The following CFAP77 variants were observed in gnomAD, a reference collection of about 807,000 sequenced individuals.
The protein encoded by CFAP77 is cilia and flagella associated protein 77.
Under a neutral mutation model 31.1 loss-of-function variants are expected in CFAP77, and 25 were observed. The ratio of observed to expected loss-of-function variants is 0.80; its 90% CI spans 0.59 to 1.12. CFAP77 has a LOEUF of 1.12. Among genes scored for constraint, CFAP77 ranks in the 50% most tolerant of loss-of-function variants. The pLI is 0.00. For synonymous variants in CFAP77, 151 were observed against 159.9 expected (o/e 0.94, Z 0.42); for missense variants, 377 against 397.3 (o/e 0.95, Z 0.44).
At position 132,552,968 on chromosome 9, in the gene CFAP77, ACTT is replaced by A. The variant is rs1346330704; in HGVS notation, c.732+9924_732+9926del. 6.6e-6 allele frequency among the ~76,000 whole-genome samples: 1 copy of A among 152,144 alleles called. No homozygotes were observed. ...TGTTAAACAGCCCTAAGGCTTATGA[ACTT>A]CTGTCTTAGTCAGGCTGCTCTAACA... On this transcript the variant is annotated intron_variant, in intron 5 of 5. Transcript: ENST00000393216. The surrounding 1 kb of genome is among the most constrained non-coding windows in gnomAD (Gnocchi z 5.5).
chr9:132,537,772 G>A, intron 4 of CFAP77, 66 bp downstream of exon 4: 2 of 1,243,488 alleles, frequency 1.6e-6, no homozygotes, highest in Admixed American at 1.8e-5. Context: ...GGCTGGCCAG[G>A]GCCAAGCATC....
At chr9:132,449,148 T>C (rs1850777545) in intron 1 of CFAP77, among the ~76,000 whole-genome samples, 1 of 152,214 alleles carries the variant, frequency 6.6e-6, no homozygotes, top group Non-Finnish European at 1.5e-5. Flanking sequence ...GCCATAAAGT[T>C]GATCCATTTT....
chr9:132,465,464 G>A (rs1362193103), intron 1 of CFAP77, among the ~76,000 whole-genome samples: 2 of 152,166 alleles, frequency 1.3e-5, no homozygotes, highest in East Asian at 1.9e-4. Context: ...GTTAGACCTA[G>A]ATGTGGGCCT....
intron 1 of CFAP77, among the ~76,000 whole-genome samples, chr9:132,472,786 CA>C (rs1168912022): frequency 1.3e-5 from 2 of 152,042 alleles, no homozygotes; most frequent in African/African-American, 4.8e-5. Flanking sequence ...AACAAACAAA[CA>C]AAAAACAATG....
chr9:132,474,089 A>C (rs1851307470), intron 1 of CFAP77, among the ~76,000 whole-genome samples: 1 of 152,190 alleles, frequency 6.6e-6, no homozygotes, highest in Admixed American at 6.5e-5. Context: ...GGTGCCCTGC[A>C]TGTGTCAAAA....
At chr9:132,555,547 G>C (rs1299411369) in intron 5 of CFAP77, among the ~76,000 whole-genome samples, 3 of 152,194 alleles carry the variant, frequency 2.0e-5, no homozygotes, top group African/African-American at 7.2e-5. Flanking sequence ...TGTGCTACCT[G>C]AGAAAGCACT....
At chr9:132,491,801 G>A (rs954758684) in intron 1 of CFAP77, among the ~76,000 whole-genome samples, 1 of 152,318 alleles carries the variant, frequency 6.6e-6, no homozygotes, top group African/African-American at 2.4e-5. Flanking sequence ...GTTTGGTGAT[G>A]TTTTTGTGAC....
At chr9:132,473,651 T>G (rs1851299793) in intron 1 of CFAP77, among the ~76,000 whole-genome samples, 1 of 152,142 alleles carries the variant, frequency 6.6e-6, no homozygotes, top group African/African-American at 2.4e-5. Context: ...GAAGGGCAGC[T>G]CCTAGTCTCA....
intron 5 of CFAP77, among the ~76,000 whole-genome samples, chr9:132,553,390 C>G (rs1852851430): frequency 6.6e-6 from 1 of 152,074 alleles, no homozygotes; most frequent in South Asian, 2.1e-4. Flanking sequence ...TCATTTGAGG[C>G]CAGGAGTTCA....
chr9:132,434,114 G>A (rs1850463813), intron 1 of CFAP77, among the ~76,000 whole-genome samples: 1 of 151,850 alleles, frequency 6.6e-6, no homozygotes, highest in Non-Finnish European at 1.5e-5. Context: ...ACTCCAGCCT[G>A]GGTGATGGAG....
rs563064157 is a variant in CFAP77, at chr9:132,450,032, C to T, written c.195+39566C>T. On this transcript the variant is annotated intron_variant, in intron 1 of 5. Transcript: ENST00000393216. ...GGTTCACGCCATGCTCCTGCCTCAG[C>T]CTCCTGAGTAGCTGGGACTACTGGT... 9.2e-5 allele frequency among the ~76,000 whole-genome samples: 14 copies of T among 152,290 alleles called. No homozygotes were observed. In the East Asian group the frequency reaches 1.4e-3, roughly 15 times the overall value.
intron 1 of CFAP77, among the ~76,000 whole-genome samples, chr9:132,441,190 T>C (rs1166632161): frequency 6.6e-6 from 1 of 152,180 alleles, no homozygotes; most frequent in Admixed American, 6.5e-5. Flanking sequence ...TTGCATACTG[T>C]TTCTTTGGGA....
rs1008372555 is a variant in CFAP77, at chr9:132,513,019, TA to T, written c.524+13427del. On this transcript the variant is annotated intron_variant, in intron 3 of 5. Transcript: ENST00000393216. ...GAGCAGGTATTTTATTTTTTTAATT[TA>T]AAAAAAATTTTAATTTTTGTGGGCA... 1.6e-4 allele frequency among the ~76,000 whole-genome samples: 25 copies of T among 152,284 alleles called. No homozygotes were observed. In the South Asian group the frequency reaches 1.9e-3, roughly 11 times the overall value.
intron 5 of CFAP77, among the ~76,000 whole-genome samples, chr9:132,568,086 C>G (rs1829908762): frequency 6.6e-6 from 1 of 152,134 alleles, no homozygotes; most frequent in South Asian, 2.1e-4. Context: ...GAGAGGTGGT[C>G]TGCAGAGCTA....
At chr9:132,443,549 G>A (rs1312386690) in intron 1 of CFAP77, among the ~76,000 whole-genome samples, 1 of 152,216 alleles carries the variant, frequency 6.6e-6, no homozygotes, top group Admixed American at 6.5e-5. Context: ...CACTGCACCC[G>A]GCCAGAAAAG....
chr9:132,493,454 T>C (rs1851683404), intron 1 of CFAP77, among the ~76,000 whole-genome samples: 2 of 152,188 alleles, frequency 1.3e-5, no homozygotes, highest in Non-Finnish European at 2.9e-5. Flanking sequence ...GCAGTTCTCA[T>C]GTGAAGCTGG....
At chr9:132,523,807 G>A (rs1852311013) in intron 3 of CFAP77, among the ~76,000 whole-genome samples, 1 of 152,164 alleles carries the variant, frequency 6.6e-6, no homozygotes, top group African/African-American at 2.4e-5. Context: ...TTCATTGGAA[G>A]ATGAATTTCT....
intron 1 of CFAP77, among the ~76,000 whole-genome samples, chr9:132,425,671 G>C (rs369740087): frequency 2.0e-5 from 3 of 152,058 alleles, no homozygotes; most frequent in African/African-American, 7.2e-5. Flanking sequence ...CTCTAAGAGA[G>C]CAGAAATGTA....
chr9:132,478,596 A>G (rs1421221524), intron 1 of CFAP77, among the ~76,000 whole-genome samples: 2 of 152,320 alleles, frequency 1.3e-5, no homozygotes, highest in East Asian at 3.9e-4. Flanking sequence ...GAAAAGATAT[A>G]AGAGGCCAGG....
Sources: gnomAD v4.1 joint callset for allele counts (sites outside exome capture counted in the v4.1 genomes callset) on GRCh38, gnomAD v4.1.1 for gene constraint, Gnocchi (gnomAD v3.1) non-coding constraint, MANE v1.5 for transcripts, NCBI Gene and HGNC (gene_info 2026-07-23, HGNC 2026-07-21) for gene names.